FNIP2: variants seen among roughly 807,000 people sequenced by gnomAD.
FNIP2 encodes the protein folliculin interacting protein 2.
In FNIP2, 32 loss-of-function variants were observed where a neutral mutation model predicts 108.7. The ratio of observed to expected loss-of-function variants is 0.29; its 90% CI spans 0.22 to 0.40. The LOEUF is 0.40. Among genes scored for constraint, FNIP2 ranks in the 10% least tolerant of loss-of-function variants. The pLI, the probability that FNIP2 is intolerant of heterozygous loss-of-function variation, is 1.00. For synonymous variants in FNIP2, 480 were observed against 496.7 expected (o/e 0.97, Z 0.45); for missense variants, 1,202 against 1,381.6 (o/e 0.87, Z 2.06).
At chr4:158,900,236 T>C (rs1729077475) in intron 16 of FNIP2, among the ~76,000 whole-genome samples, 1 of 152,224 alleles carries the variant, frequency 6.6e-6, no homozygotes, top group Non-Finnish European at 1.5e-5. Flanking sequence ...TCTTTTGCAT[T>C]TGCCGAGGAG....
At chr4:158,877,107 G>C (rs1781327132) in intron 14 of FNIP2, among the ~76,000 whole-genome samples, 1 of 152,168 alleles carries the variant, frequency 6.6e-6, no homozygotes, top group African/African-American at 2.4e-5. Flanking sequence ...CATGTAACTT[G>C]ATTCTGATAC....
intron 1 of FNIP2, chr4:158,794,479 T>C (rs910768572): frequency 6.6e-6 from 1 of 152,248 alleles, no homozygotes; most frequent in Non-Finnish European, 1.5e-5. Flanking sequence ...GTATTTTTCT[T>C]GTATGTTTTT....
At chr4:158,862,312 C>T (rs1780341284) in intron 12 of FNIP2, among the ~76,000 whole-genome samples, 1 of 152,192 alleles carries the variant, frequency 6.6e-6, no homozygotes, top group African/African-American at 2.4e-5. Context: ...CCTGGTTTTA[C>T]ACATAGTCAT....
In FNIP2 at chr4:158,905,792, TAA is replaced by T. The variant is rs1395196829; in HGVS notation, c.*1251_*1252del. 2.6e-5 allele frequency: 4 copies of T among 151,844 alleles called. No homozygotes were observed. Among genetic ancestry groups the T allele is most frequent in the African/African-American group, 9.7e-5 (4 of 41,356 alleles). The allele number at this position is 151,844 out of a possible 1,614,324, so 9.4% of individuals were successfully genotyped here. On this transcript the variant is annotated 3_prime_UTR_variant, in exon 17 of 17. Transcript: ENST00000264433. ...CTATGTACTGACATCCAGGGTAAAGTAAAAGACTTTTAAATATTGGTCATTAA... is the reference window on the plus strand; with the variant it reads ...CTATGTACTGACATCCAGGGTAAAGTAAGACTTTTAAATATTGGTCATTAA...
chr4:158,843,019 G>A (rs1254049035), intron 7 of FNIP2, among the ~76,000 whole-genome samples: 2 of 152,126 alleles, frequency 1.3e-5, no homozygotes, highest in Non-Finnish European at 2.9e-5. Context: ...TTTGTGTGTT[G>A]AGAAATACAA....
intron 7 of FNIP2, among the ~76,000 whole-genome samples, chr4:158,850,548 G>A (rs1047144612): frequency 6.6e-6 from 1 of 150,750 alleles, no homozygotes; most frequent in Non-Finnish European, 1.5e-5. Flanking sequence ...GCAGAGAAAG[G>A]TTCAGAGGCA....
chr4:158,904,766 ATT>A lies in FNIP2; in HGVS notation c.*224_*225del, dbSNP rs1208022591. On this transcript the variant is annotated 3_prime_UTR_variant, in exon 17 of 17. Coordinates refer to ENST00000264433, the MANE Select transcript of FNIP2 (RefSeq NM_020840.3). ...GTGATTGTCGTGAACACTTTAGGCC[ATT>A]TGTTACCCATGAATCAACAAAGAAA... 1 of 512,680 alleles carries A rather than the reference ATT, an allele frequency of 2.0e-6. No homozygotes were observed. Among genetic ancestry groups the A allele is most frequent in the African/African-American group, 1.9e-5 (1 of 52,300 alleles). The allele number at this position is 512,680 out of a possible 1,614,324, so 31.8% of individuals were successfully genotyped here.
chr4:158,813,362 C>G (rs1777386965), intron 1 of FNIP2, among the ~76,000 whole-genome samples: 1 of 152,196 alleles, frequency 6.6e-6, no homozygotes, highest in Admixed American at 6.5e-5. Context: ...GTCAGTGTTC[C>G]AGACTTTGGC....
At chr4:158,892,111 T>G (rs181866928) in intron 15 of FNIP2, among the ~76,000 whole-genome samples, 1 of 151,786 alleles carries the variant, frequency 6.6e-6, no homozygotes, top group East Asian at 1.9e-4. Context: ...TTTAAAGTAC[T>G]ATACACATGT....
At chr4:158,845,763 A>T (rs1038036395) in intron 7 of FNIP2, among the ~76,000 whole-genome samples, 12 of 152,256 alleles carry the variant, frequency 7.9e-5, no homozygotes, top group Non-Finnish European at 1.6e-4. Context: ...TGCATTTGAA[A>T]GTTGTACTGA....
chr4:158,874,657 AAATAAT>A (rs940078782), intron 14 of FNIP2, among the ~76,000 whole-genome samples: 1 of 151,834 alleles, frequency 6.6e-6, no homozygotes. Context: ...TCATCTCAGT[AAATAAT>A]AATAATAATA....
chr4:158,864,955 C>T lies in FNIP2; in HGVS notation c.1466-3147C>T, dbSNP rs75425301. Among the ~76,000 whole-genome samples, 45 of 152,074 alleles carry T rather than the reference C, an allele frequency of 3.0e-4. No homozygotes were observed. The East Asian group carries it at 3.5e-3, about 12-fold the overall frequency. ...CTTCTGTCTGTTCCTCTGCTCTCTCCGTCTCTCCCTCCCTGAGTCTCCACT... is the reference window on the plus strand; with the variant it reads ...CTTCTGTCTGTTCCTCTGCTCTCTCTGTCTCTCCCTCCCTGAGTCTCCACT... On this transcript the variant is annotated intron_variant, in intron 12 of 16. Coordinates refer to ENST00000264433, the MANE Select transcript of FNIP2 (RefSeq NM_020840.3).
chr4:158,783,555 T>C (rs191220917), intron 1 of FNIP2, among the ~76,000 whole-genome samples: 26 of 152,356 alleles, frequency 1.7e-4, no homozygotes, highest in Admixed American at 3.3e-4. Context: ...ATATTTGGCA[T>C]GTGGATCTAG....
chr4:158,856,182 C>G (rs1779973717), intron 8 of FNIP2, among the ~76,000 whole-genome samples: 1 of 152,028 alleles, frequency 6.6e-6, no homozygotes, highest in African/African-American at 2.4e-5. Context: ...GTGTAATGTC[C>G]CAGGAAGCCT....
intron 2 of FNIP2, among the ~76,000 whole-genome samples, chr4:158,827,504 G>A (rs1049855868): frequency 1.3e-5 from 2 of 152,178 alleles, no homozygotes; most frequent in African/African-American, 4.8e-5. Context: ...TTTGTAGCTT[G>A]CCCAAGGCTA....
At chr4:158,791,266 C>CTTTTTTTTTTTTT (rs199714823) in intron 1 of FNIP2, among the ~76,000 whole-genome samples, 3 of 98,078 alleles carry the variant, frequency 3.1e-5, no homozygotes, top group Non-Finnish European at 5.7e-5. Context: ...ACTGAGGATC[C>CTTTTTTTTTTTTT]TTTTTTTTTT....
At position 158,829,104 on chromosome 4, in the gene FNIP2, T is replaced by C; in HGVS notation, c.260T>C (p.Ile87Thr). 1 of 1,611,226 alleles carries C rather than the reference T, an allele frequency of 6.2e-7. No homozygotes were observed. The highest frequency in any genetic ancestry group is 8.5e-7 in the Non-Finnish European group (1 of 1,178,692). Residue 87 changes from isoleucine to threonine, a missense_variant, in exon 3 of 17, where the codon ATA becomes ACA. By Grantham distance (89) the Ile-to-Thr change is moderately conservative. Around this residue, in one of 5 missense-constraint regions of FNIP2, gnomAD observed 173 missense variants for 165.9 expected, o/e 1.04. Transcript: ENST00000264433. ...AQKTEDVPIKISAKCCQGSSS... is the reference protein window; with the variant it reads ...AQKTEDVPIKTSAKCCQGSSS... ...AAAACAGAGGATGTTCCTATTAAAA[T>C]ATCAGCCAAGTGCTGCCAGGGAAGC...
chr4:158,784,209 A>T (rs1776143070), intron 1 of FNIP2, among the ~76,000 whole-genome samples: 1 of 152,250 alleles, frequency 6.6e-6, no homozygotes, highest in Non-Finnish European at 1.5e-5. Context: ...CAGAAAATTC[A>T]TCTCTTGCTC....
rs1358551617 is a variant in FNIP2 at position 158,832,108 on chromosome 4, G to C, written c.524G>C (p.Arg175Thr). The C allele has an allele frequency of 6.2e-7, 1 of 1,613,856 alleles. No individual in the cohort carries two copies. Among genetic ancestry groups the C allele is most frequent in the African/African-American group, 1.3e-5 (1 of 75,036 alleles). ...QLMISKVFSA[R>T]MGSFCGSTNN... ...ATGATTAGTAAAGTCTTCTCTGCTAGAATGGGCAGCTTCTGTGGAAGTACA... is the reference window on the plus strand; with the variant it reads ...ATGATTAGTAAAGTCTTCTCTGCTACAATGGGCAGCTTCTGTGGAAGTACA... The change falls in exon 5 of 17, where the codon AGA (arginine) becomes ACA (threonine). Residue 175 changes from arginine (R) to threonine (T), a missense_variant. Transcript: ENST00000264433.
Sources: gnomAD v4.1 joint callset for allele counts (sites outside exome capture counted in the v4.1 genomes callset) on GRCh38, gnomAD v4.1.1 for gene constraint, gnomAD v4.1.1 regional missense constraint, MANE v1.5 for transcripts, NCBI Gene and HGNC (gene_info 2026-07-23, HGNC 2026-07-21) for gene names.